Variants in SNTG1 observed in about 807,000 individuals in gnomAD.
SNTG1 encodes gamma-1-syntrophin.
A neutral mutation model predicts 74.7 loss-of-function variants in SNTG1; 39 were observed. The ratio of observed to expected loss-of-function variants is 0.52; its 90% CI spans 0.40 to 0.68. The LOEUF is 0.68. Ranked by LOEUF, SNTG1 falls within the 30% of genes least tolerant of loss-of-function variation. SNTG1 has a pLI of 0.00. For synonymous variants in SNTG1, 254 were observed against 217.1 expected, an observed-to-expected ratio of 1.17 and a Z score of -1.49; for missense variants, 685 against 609.5, an observed-to-expected ratio of 1.12 and a Z score of -1.30.
intron 2 of SNTG1, among the ~76,000 whole-genome samples, chr8:50,192,415 G>A (rs966130813): frequency 6.6e-6 from 1 of 152,034 alleles, no homozygotes; most frequent in Non-Finnish European, 1.5e-5. Flanking sequence ...TATTGATGTT[G>A]AGCATTTTTT....
intron 1 of SNTG1, among the ~76,000 whole-genome samples, chr8:50,016,283 T>C (rs1816306130): frequency 6.6e-6 from 1 of 152,150 alleles, no homozygotes; most frequent in African/African-American, 2.4e-5. Flanking sequence ...TTTGTTGTTG[T>C]TGCATAGAAT....
intron 2 of SNTG1, among the ~76,000 whole-genome samples, chr8:50,285,137 A>C (rs969721604): frequency 1.3e-5 from 2 of 152,100 alleles, no homozygotes; most frequent in Non-Finnish European, 2.9e-5. Flanking sequence ...ATGCAATCTT[A>C]CTTATTTCAT....
At chr8:49,988,880 A>T (rs1813419726) in intron 1 of SNTG1, among the ~76,000 whole-genome samples, 1 of 151,880 alleles carries the variant, frequency 6.6e-6, no homozygotes, top group South Asian at 2.1e-4. Flanking sequence ...AATAAACAGA[A>T]AAAAGGAATA....
chr8:50,190,710 C>A (rs960301624), intron 2 of SNTG1, among the ~76,000 whole-genome samples: 2 of 152,052 alleles, frequency 1.3e-5, no homozygotes, highest in African/African-American at 4.8e-5. Flanking sequence ...CTTGCAGAAC[C>A]TTTGAAAGCC....
At chr8:50,675,283 A>G (rs7013366) in intron 15 of SNTG1, among the ~76,000 whole-genome samples, 51,708 of 151,548 alleles carry the variant, frequency 0.34, 11,145 homozygotes, top group African/African-American at 0.61. Flanking sequence ...TCCTATTATT[A>G]TGTGGCAGTC....
intron 2 of SNTG1, among the ~76,000 whole-genome samples, chr8:50,313,692 G>T (rs1431778864): frequency 1.3e-5 from 2 of 149,666 alleles, no homozygotes; most frequent in Non-Finnish European, 2.9e-5. Flanking sequence ...TTAAAAACTG[G>T]TTTTTGAAAT....
chr8:50,015,172 A>G (rs1421483191), intron 1 of SNTG1, among the ~76,000 whole-genome samples: 6 of 152,122 alleles, frequency 3.9e-5, no homozygotes, highest in African/African-American at 1.4e-4. Context: ...CACACAACAG[A>G]GAATATCAAG....
At chr8:50,170,397 A>G (rs2082764552) in intron 1 of SNTG1, among the ~76,000 whole-genome samples, 1 of 152,180 alleles carries the variant, frequency 6.6e-6, no homozygotes, top group African/African-American at 2.4e-5. Flanking sequence ...AAAAACTTAA[A>G]AGATATGATA....
intron 17 of SNTG1, among the ~76,000 whole-genome samples, chr8:50,711,668 G>A (rs1049230239): frequency 6.6e-6 from 1 of 152,166 alleles, no homozygotes; most frequent in Non-Finnish European, 1.5e-5. Flanking sequence ...TACCACCTGT[G>A]CTTGGAAGTT....
chr8:50,761,575 T>C (rs73678690), intron 18 of SNTG1, among the ~76,000 whole-genome samples: 3,009 of 151,472 alleles, frequency 0.02, 96 homozygotes, highest in African/African-American at 0.066. Context: ...AGGGCAGGCC[T>C]TGCTAAGAAG....
chr8:50,399,363 T>A (rs973604648), intron 3 of SNTG1, among the ~76,000 whole-genome samples: 1 of 152,238 alleles, frequency 6.6e-6, no homozygotes, highest in African/African-American at 2.4e-5. Context: ...TGTGAACATT[T>A]TACATAGTAT....
intron 1 of SNTG1, among the ~76,000 whole-genome samples, chr8:50,028,400 A>T (rs1389081113): frequency 6.6e-6 from 1 of 152,122 alleles, no homozygotes; most frequent in Non-Finnish European, 1.5e-5. Context: ...TGGTTATTGA[A>T]AATAAAGCTA....
intron 2 of SNTG1, among the ~76,000 whole-genome samples, chr8:50,372,216 CTG>C (rs146721613): frequency 0.051 from 7,632 of 148,746 alleles, 248 homozygotes; most frequent in Non-Finnish European, 0.072. Flanking sequence ...TGATCTTTCT[CTG>C]TGTGTGTGTG....
intron 1 of SNTG1, among the ~76,000 whole-genome samples, chr8:49,949,852 T>C (rs2129389313): frequency 6.6e-6 from 1 of 152,322 alleles, no homozygotes; most frequent in South Asian, 2.1e-4. Context: ...TATTAAAGTA[T>C]TCCTTGGCCA....
chr8:50,185,334 C>A (rs989266988), intron 2 of SNTG1, among the ~76,000 whole-genome samples: 2 of 152,168 alleles, frequency 1.3e-5, no homozygotes, highest in Non-Finnish European at 2.9e-5. Context: ...CTGTAAGTTT[C>A]CTGAGGCTTC....
intron 9 of SNTG1, among the ~76,000 whole-genome samples, chr8:50,508,208 A>T (rs1218721087): frequency 1.3e-5 from 2 of 152,110 alleles, no homozygotes; most frequent in Non-Finnish European, 2.9e-5. Context: ...TGAGAATTTT[A>T]TGGTTTCCAG....
intron 1 of SNTG1, among the ~76,000 whole-genome samples, chr8:50,062,748 C>G (rs1023315917): frequency 3.9e-5 from 6 of 152,164 alleles, no homozygotes; most frequent in African/African-American, 1.4e-4. Context: ...AATTTGCCCA[C>G]AAACAATGGT....
intron 1 of SNTG1, among the ~76,000 whole-genome samples, chr8:50,144,516 C>G (rs989067758): frequency 3.9e-5 from 6 of 152,160 alleles, no homozygotes; most frequent in African/African-American, 7.2e-5. Context: ...GGACCTAGTC[C>G]TTTAAGGTGC....
chr8:50,529,307 A>T (rs116832747), intron 9 of SNTG1, among the ~76,000 whole-genome samples: 2,981 of 152,062 alleles, frequency 0.02, 111 homozygotes, highest in African/African-American at 0.068. Context: ...TATATTTCCC[A>T]TCTTAGTTCC....
Sources: allele counts gnomAD v4.1 joint callset (sites outside exome capture counted in the v4.1 genomes callset), GRCh38; gene constraint gnomAD v4.1.1; transcripts MANE v1.5; gene names NCBI Gene and HGNC (gene_info 2026-07-23, HGNC 2026-07-21).